The following NCAM2 variants were observed in gnomAD, a reference collection of about 807,000 sequenced individuals.
NCAM2 encodes the protein neural cell adhesion molecule 2.
In NCAM2, 30 loss-of-function variants were observed where a neutral mutation model predicts 98.1. That is an observed-to-expected ratio of 0.31 (90% CI 0.23 to 0.41). The LOEUF (loss-of-function observed/expected upper bound fraction) is 0.41. Among genes scored for constraint, NCAM2 ranks in the 10% least tolerant of loss-of-function variants. NCAM2 has a pLI of 1.00. For synonymous variants in NCAM2, 368 were observed against 342.4 expected, an observed-to-expected ratio of 1.07 and a Z score of -0.83; for missense variants, 867 against 1,005.8, an observed-to-expected ratio of 0.86 and a Z score of 1.87.
intron 8 of NCAM2, among the ~76,000 whole-genome samples, chr21:21,341,813 T>C (rs2075046821): frequency 6.6e-6 from 1 of 151,952 alleles, no homozygotes; most frequent in Admixed American, 6.6e-5. Flanking sequence ...GCTCTTATAC[T>C]GAGCTCAATA....
intron 1 of NCAM2, among the ~76,000 whole-genome samples, chr21:21,112,389 A>G (rs1330237637): frequency 6.6e-6 from 1 of 152,174 alleles, no homozygotes; most frequent in Non-Finnish European, 1.5e-5. Flanking sequence ...TATTTTTATA[A>G]AGACCTGGCC....
At chr21:21,338,159 C>T (rs2074929243) in intron 7 of NCAM2, among the ~76,000 whole-genome samples, 1 of 152,010 alleles carries the variant, frequency 6.6e-6, no homozygotes, top group African/African-American at 2.4e-5. Flanking sequence ...TTCTAAGTCA[C>T]CTCAAGTTAT....
At chr21:21,460,027 A>G (rs1262349054) in intron 12 of NCAM2, among the ~76,000 whole-genome samples, 3 of 151,976 alleles carry the variant, frequency 2.0e-5, no homozygotes, top group African/African-American at 4.8e-5. Context: ...TTCAGAGTGT[A>G]TGCATATATC....
In NCAM2 at chr21:21,431,924, C is replaced by T. The variant is rs368758950; in HGVS notation, c.1481-184C>T. 1.4e-4 allele frequency among the ~76,000 whole-genome samples: 22 copies of T among 152,214 alleles called. No homozygotes were observed. In the South Asian group the frequency reaches 4.6e-3, roughly 32 times the overall value. On this transcript the variant is annotated intron_variant, in intron 11 of 17. Coordinates refer to ENST00000400546, the MANE Select transcript of NCAM2 (RefSeq NM_004540.5). ...TTTTCTGAGGTAATAAAAGTTGACTCATGTATACTTTCTTGTAATTTCAAA... is the reference window on the plus strand; with the variant it reads ...TTTTCTGAGGTAATAAAAGTTGACTTATGTATACTTTCTTGTAATTTCAAA...
intron 1 of NCAM2, among the ~76,000 whole-genome samples, chr21:21,089,864 T>G (rs918531241): frequency 2.0e-5 from 3 of 152,230 alleles, no homozygotes; most frequent in African/African-American, 7.2e-5. Context: ...CAGCAATTCC[T>G]GGTTTAAAAA....
At position 21,263,139 on chromosome 21, in the gene NCAM2, T is replaced by C. The variant is rs564891722; in HGVS notation, c.56-17439T>C. On this transcript the variant is annotated intron_variant, in intron 1 of 17. Transcript: ENST00000400546. Reference sequence around the variant, plus strand: ...TCCTCCAGTGGACTTCCAGACCTGATCAATGACTTCAGTAAAGTTTCATGA... The same window carrying C: ...TCCTCCAGTGGACTTCCAGACCTGACCAATGACTTCAGTAAAGTTTCATGA... Among the ~76,000 whole-genome samples, 18 of 152,222 alleles carry C rather than the reference T, an allele frequency of 1.2e-4. No homozygotes were observed. In the East Asian group the frequency reaches 2.5e-3, roughly 21 times the overall value.
chr21:21,102,471 TTTG>T (rs2066262685), intron 1 of NCAM2, among the ~76,000 whole-genome samples: 2 of 151,934 alleles, frequency 1.3e-5, no homozygotes, highest in Admixed American at 6.6e-5. Flanking sequence ...TACAAGTATA[TTTG>T]GGGAAGGTGA....
intron 1 of NCAM2, among the ~76,000 whole-genome samples, chr21:21,129,676 C>T (rs1056547177): frequency 2.0e-5 from 3 of 151,954 alleles, no homozygotes; most frequent in East Asian, 1.9e-4. Context: ...AGCTCACTGT[C>T]GCCTCTTTTG....
intron 12 of NCAM2, among the ~76,000 whole-genome samples, chr21:21,454,465 GT>G (rs1569081659): frequency 4.6e-5 from 7 of 152,074 alleles, no homozygotes; most frequent in African/African-American, 1.7e-4. Flanking sequence ...CCTAACTTAT[GT>G]ATGGGTACAG....
At chr21:21,277,389 A>G (rs190362702) in intron 1 of NCAM2, among the ~76,000 whole-genome samples, 51 of 152,272 alleles carry the variant, frequency 3.3e-4, no homozygotes, top group Admixed American at 3.3e-3. Context: ...TACTGATCAA[A>G]GATATTGATG....
chr21:21,065,517 T>G (rs1298679907), intron 1 of NCAM2, among the ~76,000 whole-genome samples: 2 of 152,218 alleles, frequency 1.3e-5, no homozygotes, highest in Admixed American at 6.5e-5. Flanking sequence ...ATACTTTTTA[T>G]TCTCCTCATT....
intron 1 of NCAM2, among the ~76,000 whole-genome samples, chr21:21,205,771 G>A (rs2147053016): frequency 6.6e-6 from 1 of 152,240 alleles, no homozygotes; most frequent in Admixed American, 6.5e-5. Context: ...AGTTGTGGAA[G>A]CTGCAAAGTC....
rs76540219 is a variant in NCAM2 at position 21,477,801 on chromosome 21, C to A, written c.2077+330C>A. Among the ~76,000 whole-genome samples, 326 of 152,258 alleles carry A rather than the reference C, an allele frequency of 2.1e-3. 1 individual carries two copies. The highest frequency in any genetic ancestry group is 6.8e-3 in the African/African-American group (281 of 41,582). On this transcript the variant is annotated intron_variant, in intron 15 of 17. Coordinates refer to ENST00000400546, the MANE Select transcript of NCAM2 (RefSeq NM_004540.5). The stretch of plus-strand genomic sequence containing the variant: ...GAAAGCTTTGCTAAGAAGACAATTT[C>A]TCTGCCAATCATGTGGAGACTGATG...
At chr21:21,183,506 G>A (rs941375414) in intron 1 of NCAM2, among the ~76,000 whole-genome samples, 2 of 152,126 alleles carry the variant, frequency 1.3e-5, no homozygotes, top group African/African-American at 2.4e-5. Context: ...TGGGAGGTAA[G>A]GACATGAGGA....
intron 1 of NCAM2, among the ~76,000 whole-genome samples, chr21:21,083,229 G>T (rs1192916099): frequency 6.6e-6 from 1 of 152,146 alleles, no homozygotes; most frequent in African/African-American, 2.4e-5. Flanking sequence ...TTGGATAGAT[G>T]ACTGAATGAA....
chr21:21,256,905 G>A (rs1034267612), intron 1 of NCAM2, among the ~76,000 whole-genome samples: 1 of 152,124 alleles, frequency 6.6e-6, no homozygotes, highest in African/African-American at 2.4e-5. Flanking sequence ...AGTAACTCTA[G>A]AATAGGAAGG....
chr21:21,359,117 T>G (rs2075574887), intron 8 of NCAM2, among the ~76,000 whole-genome samples: 1 of 152,034 alleles, frequency 6.6e-6, no homozygotes, highest in Non-Finnish European at 1.5e-5. Context: ...TTTTTCTTTT[T>G]TCTTTTTTCA....
At chr21:21,431,653 T>C (rs1323178520) in intron 11 of NCAM2, among the ~76,000 whole-genome samples, 1 of 152,146 alleles carries the variant, frequency 6.6e-6, no homozygotes, top group Non-Finnish European at 1.5e-5. Flanking sequence ...GGAATATAAT[T>C]GTGGTGAATG....
chr21:21,080,970 C>T (rs2065785536), intron 1 of NCAM2, among the ~76,000 whole-genome samples: 1 of 152,000 alleles, frequency 6.6e-6, no homozygotes, highest in East Asian at 1.9e-4. Flanking sequence ...TAGAAGAGGG[C>T]CAAGCAGGCG....
Sources: gnomAD v4.1 joint callset for allele counts (sites outside exome capture counted in the v4.1 genomes callset) on GRCh38, gnomAD v4.1.1 for gene constraint, MANE v1.5 for transcripts, NCBI Gene and HGNC (gene_info 2026-07-23, HGNC 2026-07-21) for gene names.